EP300: variants seen among roughly 807,000 people sequenced by gnomAD.
The protein encoded by EP300 is EP300 lysine acetyltransferase.
In EP300, 31 loss-of-function variants were observed where a neutral mutation model predicts 264.0. The observed-to-expected ratio is 0.12, with a 90% CI of 0.09 to 0.16. EP300 has a LOEUF of 0.16. Ranked by LOEUF, EP300 falls within the 10% of genes least tolerant of loss-of-function variation. The pLI is 1.00. For synonymous variants in EP300, 1,340 were observed against 1,045.4 expected, an observed-to-expected ratio of 1.28 and a Z score of -5.44; for missense variants, 2,766 against 3,052.9, an observed-to-expected ratio of 0.91 and a Z score of 2.21.
At position 41,178,664 on chromosome 22, in the gene EP300, C is replaced by A; in HGVS notation, c.6953C>A (p.Pro2318Gln). Residue 2318 changes from proline to glutamine, a missense_variant, in exon 31 of 31, where the codon CCA becomes CAA. Transcript: ENST00000263253. ...CCCCAGCCTGTCCCTTCTCCACGGCCACAGTCCCAGCCCCCCCACTCCAGT... is the reference window on the plus strand; with the variant it reads ...CCCCAGCCTGTCCCTTCTCCACGGCAACAGTCCCAGCCCCCCCACTCCAGT... ...RSPQPVPSPR[P>Q]QSQPPHSSPS... The A allele has an allele frequency of 6.2e-7, 1 of 1,614,166 alleles. No homozygotes were observed. The highest frequency in any genetic ancestry group is 8.5e-7 in the Non-Finnish European group (1 of 1,180,030).
At chr22:41,169,065 T>A in intron 25 of EP300, 198 bp downstream of exon 25, 2 of 715,978 alleles carry the variant, frequency 2.8e-6, no homozygotes, top group South Asian at 3.2e-5. Context: ...ACTGCTCTTC[T>A]GTGGTCATAG....
At chr22:41,125,353 C>T (rs563376045) in intron 2 of EP300, among the ~76,000 whole-genome samples, 1 of 151,880 alleles carries the variant, frequency 6.6e-6, no homozygotes, top group East Asian at 1.9e-4. Flanking sequence ...CTCCTGACCT[C>T]ATGATCCTCC....
At position 41,139,423 on chromosome 22, in the gene EP300, T is replaced by C. The variant is rs192081892; in HGVS notation, c.1761-717T>C. 2.0e-5 allele frequency among the ~76,000 whole-genome samples: 3 copies of C among 152,372 alleles called. No homozygotes were observed. The East Asian group carries it at 5.8e-4, about 29-fold the overall frequency. ...AGATGATTATTTGGGGTTGATCATT[T>C]GACTTTACGTTAAAAGTTTATTATA... On this transcript the variant is annotated intron_variant, in intron 8 of 30. Coordinates refer to ENST00000263253, the MANE Select transcript of EP300 (RefSeq NM_001429.4).
intron 2 of EP300, among the ~76,000 whole-genome samples, chr22:41,125,429 T>G (rs8138205): frequency 0.086 from 11,610 of 135,272 alleles, 568 homozygotes; most frequent in East Asian, 0.17. Flanking sequence ...TTTTTTGGGG[T>G]TTTTTTTTTG....
intron 2 of EP300, among the ~76,000 whole-genome samples, chr22:41,122,342 T>G (rs1276666473): frequency 6.6e-6 from 1 of 151,970 alleles, no homozygotes; most frequent in Non-Finnish European, 1.5e-5. Context: ...ATTTTTGTAT[T>G]ATTAGTAGAG....
rs545189577 is a variant in EP300, at chr22:41,127,775, C to T, written c.1168+27C>T. 5 of 1,613,714 alleles carry T rather than the reference C, an allele frequency of 3.1e-6. No individual in the cohort carries two copies. The Admixed American group carries it at 8.3e-5, about 27-fold the overall frequency. On this transcript the variant is annotated intron_variant, in intron 4 of 30. Coordinates refer to ENST00000263253, the MANE Select transcript of EP300 (RefSeq NM_001429.4). ...TAAGTGGACCCACAGGGTTACTGTA[C>T]TTAGCAATTTTTACAGCCAGGGAGA...
intron 1 of EP300, among the ~76,000 whole-genome samples, chr22:41,114,996 C>T (rs1247227934): frequency 6.6e-6 from 1 of 152,126 alleles, no homozygotes; most frequent in African/African-American, 2.4e-5. Flanking sequence ...TAGACAAGGT[C>T]TCACAGTGCC....
At chr22:41,140,303 TGTG>T (rs772633547) in intron 9 of EP300, 46 bp downstream of exon 9, 1 of 1,292,576 alleles carries the variant, frequency 7.7e-7, no homozygotes, top group South Asian at 1.2e-5. Context: ...TTGAACCTGT[TGTG>T]GTTATTTTAT....
intron 1 of EP300, among the ~76,000 whole-genome samples, chr22:41,102,237 G>A (rs533926022): frequency 2.0e-4 from 30 of 152,136 alleles, no homozygotes; most frequent in African/African-American, 6.7e-4. Context: ...TTATAGATAA[G>A]GGAAGAAGAC....
At chr22:41,122,267 G>A (rs1169060518) in intron 2 of EP300, among the ~76,000 whole-genome samples, 1 of 147,280 alleles carries the variant, frequency 6.8e-6, no homozygotes, top group Non-Finnish European at 1.5e-5. Context: ...CCAGGTTTAA[G>A]TGATTCTCCT....
At chr22:41,145,921 ATTTT>A (rs932482870) in intron 10 of EP300, among the ~76,000 whole-genome samples, 1 of 151,570 alleles carries the variant, frequency 6.6e-6, no homozygotes, top group South Asian at 2.1e-4. Flanking sequence ...AGGATATTTT[ATTTT>A]TTTAAGAATT....
chr22:41,110,495 G>A, intron 1 of EP300, among the ~76,000 whole-genome samples: 1 of 150,240 alleles, frequency 6.7e-6, no homozygotes, highest in Non-Finnish European at 1.5e-5. Flanking sequence ...ATTTCACTAT[G>A]TTGGCCAGGC....
At chr22:41,096,694 C>T (rs1048971563) in intron 1 of EP300, among the ~76,000 whole-genome samples, 1 of 147,988 alleles carries the variant, frequency 6.8e-6, no homozygotes, top group African/African-American at 2.5e-5. Context: ...TCTTGGCTCA[C>T]TGCAATCTCA....
Position 41,173,612 on chromosome 22 carries a change from C to T in EP300, c.4618-11C>T, listed in dbSNP as rs1601636833. On this transcript the variant is annotated splice_polypyrimidine_tract_variant and intron_variant, in intron 28 of 30. Coordinates refer to ENST00000263253, the MANE Select transcript of EP300 (RefSeq NM_001429.4). ...ACCTTATTTTCTTGTCTCCTTTGTG[C>T]TACTCTGCAGGTGACCAAGGGAGAC... 1 of 1,613,938 alleles carries T rather than the reference C, an allele frequency of 6.2e-7. No homozygotes were observed. The highest frequency in any genetic ancestry group is 8.5e-7 in the Non-Finnish European group (1 of 1,179,918).
intron 2 of EP300, among the ~76,000 whole-genome samples, chr22:41,121,857 G>C (rs1000108822): frequency 2.2e-4 from 34 of 152,112 alleles, no homozygotes; most frequent in African/African-American, 7.0e-4. Flanking sequence ...GTCTTTTATT[G>C]TTTGTCATGC....
chr22:41,155,690 T>C (rs181912289), intron 17 of EP300, among the ~76,000 whole-genome samples: 1 of 152,374 alleles, frequency 6.6e-6, no homozygotes, highest in Admixed American at 6.5e-5. Context: ...TCTGGATTTG[T>C]CTGTTCTACA....
At chr22:41,111,122 C>T (rs1051216967) in intron 1 of EP300, among the ~76,000 whole-genome samples, 8 of 152,122 alleles carry the variant, frequency 5.3e-5, no homozygotes, top group Non-Finnish European at 8.8e-5. Context: ...TGTGCCACCA[C>T]GCGCAGCTAA....
At chr22:41,105,354 C>CA (rs111775923) in intron 1 of EP300, among the ~76,000 whole-genome samples, 87,910 of 143,976 alleles carry the variant, frequency 0.61, 26,947 homozygotes, top group East Asian at 0.8. Context: ...AACTGCATCT[C>CA]AAAAAAAAAA....
At chr22:41,118,953 G>GT (rs1000707619) in intron 2 of EP300, among the ~76,000 whole-genome samples, 11 of 150,088 alleles carry the variant, frequency 7.3e-5, no homozygotes, top group Middle Eastern at 6.8e-3. Context: ...TTAGGATTCT[G>GT]TTTTAGCATT....
Sources: gnomAD v4.1 joint callset for allele counts (sites outside exome capture counted in the v4.1 genomes callset) on GRCh38, gnomAD v4.1.1 for gene constraint, MANE v1.5 for transcripts, NCBI Gene and HGNC (gene_info 2026-07-23, HGNC 2026-07-21) for gene names.